Variants in CROT observed in about 807,000 individuals in gnomAD.
CROT encodes carnitine O-octanoyltransferase, also known as peroxisomal carnitine O-octanoyltransferase.
CROT carries 84 observed loss-of-function variants against 89.2 expected under a neutral mutation model. That is an observed-to-expected ratio of 0.94 (90% confidence interval 0.79 to 1.13). The LOEUF is 1.13. Among genes scored for constraint, CROT ranks in the 50% most tolerant of loss-of-function variants. The pLI, the probability that CROT is intolerant of heterozygous loss-of-function variation, is 0.00. For synonymous variants in CROT, 212 were observed against 239.5 expected (o/e 0.89, Z 1.06); for missense variants, 711 against 727.8 (o/e 0.98, Z 0.27).
Position 87,369,440 on chromosome 7 carries a change from T to G in CROT, c.612T>G (p.Asp204Glu). 1 of 1,613,410 alleles carries G rather than the reference T, an allele frequency of 6.2e-7. No homozygotes were observed. Among genetic ancestry groups the G allele is most frequent in the Middle Eastern group, 1.7e-4 (1 of 6,056 alleles). Residue 204 changes from aspartate (D) to glutamate (E), a missense_variant, in exon 7 of 18, where the codon GAT becomes GAG. Coordinates refer to ENST00000331536, the MANE Select transcript of CROT (RefSeq NM_021151.4). ...GTCGAGGCCGAGCTTTTGTCTTTGA[T>G]GTAATACATGAAGGATGTTTGGTCA... ...VLCRGRAFVF[D>E]VIHEGCLVTP...
At chr7:87,389,859 A>C (rs148586317) in intron 13 of CROT, among the ~76,000 whole-genome samples, 2 of 152,308 alleles carry the variant, frequency 1.3e-5, no homozygotes. Context: ...GCTTGCCAGA[A>C]ACTAGCTCAT....
At chr7:87,351,035 G>A (rs1230449922) in intron 3 of CROT, among the ~76,000 whole-genome samples, 4 of 152,130 alleles carry the variant, frequency 2.6e-5, no homozygotes, top group Non-Finnish European at 1.5e-5. Context: ...TTGGCTAGGT[G>A]TGGTAGCTCA....
At chr7:87,347,854 A>G (rs1805740246) in intron 2 of CROT, among the ~76,000 whole-genome samples, 1 of 152,170 alleles carries the variant, frequency 6.6e-6, no homozygotes, top group African/African-American at 2.4e-5. Flanking sequence ...GGGAGAACAC[A>G]TGCATTCCTT....
Position 87,359,279 on chromosome 7 carries a change from A to G in CROT, c.189A>G (p.Gly63=). The part of the protein sequence containing the change: ...EIVQKFQSGI[G]EKLHQKLLER... Reference sequence around the variant, plus strand: ...TTCAAAAATTTCAAAGTGGGATTGGAGAAAAATTGCACCAGAAATTGCTTG... The same window carrying G: ...TTCAAAAATTTCAAAGTGGGATTGGGGAAAAATTGCACCAGAAATTGCTTG... The change falls in exon 4 of 18, where the codon GGA becomes GGG. Residue 63 remains glycine (G), a synonymous_variant. Transcript: ENST00000331536. 1 of 1,600,172 alleles carries G rather than the reference A, an allele frequency of 6.2e-7. No individual in the cohort carries two copies. The highest frequency in any genetic ancestry group is 1.1e-5 in the South Asian group (1 of 89,606).
chr7:87,368,115 C>T (rs1806505123), intron 6 of CROT, among the ~76,000 whole-genome samples: 1 of 152,154 alleles, frequency 6.6e-6, no homozygotes, highest in African/African-American at 2.4e-5. Context: ...CCTTGTTTTC[C>T]TTTAAGCAGA....
intron 7 of CROT, among the ~76,000 whole-genome samples, chr7:87,374,535 C>T (rs116690110): frequency 0.013 from 1,933 of 152,060 alleles, 40 homozygotes; most frequent in African/African-American, 0.043. Flanking sequence ...GTAACCACAA[C>T]TGCAAAAGCT....
At chr7:87,381,664 C>T (rs1444126227) in intron 10 of CROT, among the ~76,000 whole-genome samples, 1 of 152,064 alleles carries the variant, frequency 6.6e-6, no homozygotes, top group East Asian at 1.9e-4. Flanking sequence ...CCCTCATGAC[C>T]CCAAGCCCCA....
chr7:87,367,196 T>A (rs1806475905), intron 6 of CROT, among the ~76,000 whole-genome samples: 1 of 152,136 alleles, frequency 6.6e-6, no homozygotes, highest in Non-Finnish European at 1.5e-5. Context: ...GTGCCCAAAG[T>A]ATATAATCAC....
chr7:87,379,903 C>A (rs569275223), intron 10 of CROT, among the ~76,000 whole-genome samples: 2 of 152,220 alleles, frequency 1.3e-5, no homozygotes, highest in South Asian at 4.1e-4. Flanking sequence ...TTGATTCCAG[C>A]AGTTCAGCAC....
chr7:87,360,012 C>T (rs1806220820), intron 4 of CROT: 1 of 980,668 alleles, frequency 1.0e-6, no homozygotes, highest in Non-Finnish European at 1.2e-6. Context: ...TTTGATGAAC[C>T]ATTTATATCT....
rs1805676320 is a variant in CROT, at chr7:87,346,372, A to G, written c.-80A>G. On this transcript the variant is annotated 5_prime_UTR_variant, in exon 2 of 18. Transcript: ENST00000331536. ...CTTAGTCCAGTTCCCTGTGATCTCA[A>G]AACAATTGTTGCAGCAGGCTCCTGG... 1 of 152,178 alleles carries G rather than the reference A, an allele frequency of 6.6e-6. No individual in the cohort carries two copies. The highest frequency in any genetic ancestry group is 2.1e-4 in the South Asian group (1 of 4,824). The allele number at this position is 152,178 out of a possible 1,614,324, so 9.4% of individuals were successfully genotyped here. A position where few individuals can be genotyped will look rare whatever the true frequency, so the allele number is the denominator to read the frequency against.
At chr7:87,392,919 G>A (rs766686269) in intron 16 of CROT, 29 bp from the exon 17 acceptor site, 1 of 1,612,886 alleles carries the variant, frequency 6.2e-7, no homozygotes, top group Non-Finnish European at 8.5e-7. Context: ...TGTAGGCCTA[G>A]TAAAATGTTC....
At chr7:87,394,294 T>G (rs1183561569) in intron 17 of CROT, among the ~76,000 whole-genome samples, 1 of 152,110 alleles carries the variant, frequency 6.6e-6, no homozygotes, top group African/African-American at 2.4e-5. Flanking sequence ...GTTTGTCTCT[T>G]TAGCAGATCA....
chr7:87,351,763 C>T (rs1805876197), intron 3 of CROT, among the ~76,000 whole-genome samples: 1 of 152,162 alleles, frequency 6.6e-6, no homozygotes, highest in Non-Finnish European at 1.5e-5. Context: ...TACTTAGAAG[C>T]ACTTGATAGG....
chr7:87,397,512 T>G (rs765818146), intron 17 of CROT, among the ~76,000 whole-genome samples: 19 of 152,196 alleles, frequency 1.2e-4, no homozygotes, highest in Non-Finnish European at 2.1e-4. Context: ...ATAACTGAAA[T>G]TTTTTTAAAA....
At chr7:87,376,590 GA>G (rs1020326348) in intron 9 of CROT, among the ~76,000 whole-genome samples, 1 of 150,468 alleles carries the variant, frequency 6.6e-6, no homozygotes, top group African/African-American at 2.4e-5. Flanking sequence ...TAAATAATAG[GA>G]AAAAATATCA....
intron 3 of CROT, among the ~76,000 whole-genome samples, chr7:87,356,030 G>A (rs1806056036): frequency 6.6e-6 from 1 of 151,928 alleles, no homozygotes; most frequent in South Asian, 2.1e-4. Flanking sequence ...ACCCAGGCTG[G>A]AGTGCAGTGG....
intron 13 of CROT, among the ~76,000 whole-genome samples, chr7:87,383,054 T>C (rs1418784720): frequency 6.6e-6 from 1 of 152,192 alleles, no homozygotes; most frequent in Non-Finnish European, 1.5e-5. Flanking sequence ...TGTGTAATGG[T>C]CAAATCACGG....
Position 87,394,174 on chromosome 7 carries a change from G to A in CROT, c.1718+1107G>A, listed in dbSNP as rs755902719. Among the ~76,000 whole-genome samples, 26 of 152,274 alleles carry A rather than the reference G, an allele frequency of 1.7e-4. No individual in the cohort carries two copies. In the Middle Eastern group the frequency reaches 0.01, roughly 60 times the overall value. ...CATTAAATTAACTGTGGTACACACT[G>A]TACTACTATAATAATTTTGTAGCTA... On this transcript the variant is annotated intron_variant, in intron 17 of 17. Transcript: ENST00000331536.
Sources: allele counts gnomAD v4.1 joint callset (sites outside exome capture counted in the v4.1 genomes callset), GRCh38; gene constraint gnomAD v4.1.1; transcripts MANE v1.5; gene names NCBI Gene and HGNC (gene_info 2026-07-23, HGNC 2026-07-21).